PCK1: variants seen among roughly 807,000 people sequenced by gnomAD.
The protein encoded by PCK1 is phosphoenolpyruvate carboxykinase 1.
PCK1 carries 44 observed loss-of-function variants against 50.3 expected under a neutral mutation model. The ratio of observed to expected loss-of-function variants is 0.87; its 90% CI spans 0.69 to 1.12. PCK1 has a LOEUF of 1.12. Among genes scored for constraint, PCK1 ranks in the 50% most tolerant of loss-of-function variants. The pLI is 0.00. For synonymous variants in PCK1, 332 were observed against 314.3 expected (o/e 1.06, Z -0.59); for missense variants, 790 against 815.0 (o/e 0.97, Z 0.37).
In PCK1 at chr20:57,562,879, G is replaced by C. The variant is rs1366641082; in HGVS notation, c.590G>C (p.Gly197Ala). The change falls in exon 4 of 10, where the codon GGG (glycine) becomes GCG (alanine). Residue 197 changes from glycine to alanine, a missense_variant. Transcript: ENST00000319441. ...GEFVKCLHSVGCPLPLQKPLV... is the reference protein window; with the variant it reads ...GEFVKCLHSVACPLPLQKPLV... ...TTTGTCAAATGCCTCCATTCTGTGG[G>C]GTGCCCTCTGCCTTTACAAAGTAAG... 6.2e-7 allele frequency: 1 copy of C among 1,611,472 alleles called. No homozygotes were observed.
intron 5 of PCK1, 23 bp downstream of exon 5, chr20:57,563,238 T>A: frequency 1.2e-6 from 2 of 1,609,280 alleles, no homozygotes; most frequent in Admixed American, 1.7e-5. Context: ...GAAGCCCTGA[T>A]GTGCAGATGA....
Position 57,565,973 on chromosome 20 carries a change from A to G in PCK1, c.*169A>G. On this transcript the variant is annotated 3_prime_UTR_variant, in exon 10 of 10. Coordinates refer to ENST00000319441, the MANE Select transcript of PCK1 (RefSeq NM_002591.4). ...TGATTTTTTTAAGGATAAGAACCACAGAACACTGGGTAGTAGCTAATGAAA... is the reference window on the plus strand; with the variant it reads ...TGATTTTTTTAAGGATAAGAACCACGGAACACTGGGTAGTAGCTAATGAAA... 1.7e-6 allele frequency: 1 copy of G among 576,346 alleles called. No individual in the cohort carries two copies. The highest frequency in any genetic ancestry group is 2.8e-5 in the East Asian group (1 of 35,306). 35.7% of individuals were successfully genotyped at this position (576,346 alleles called of 1,614,324 possible). A position where few individuals can be genotyped will look rare whatever the true frequency, so the allele number is the denominator to read the frequency against.
rs918240389 is a variant in PCK1, at chr20:57,563,302, C to T, written c.798+87C>T. 19 of 1,254,860 alleles carry T rather than the reference C, an allele frequency of 1.5e-5. No homozygotes were observed. The Middle Eastern group carries it at 1.9e-3, about 128-fold the overall frequency. 77.7% of individuals were successfully genotyped at this position (1,254,860 alleles called of 1,614,324 possible). On this transcript the variant is annotated intron_variant, in intron 5 of 9. Transcript: ENST00000319441. ...GCATTACAGTTCCCACCCGTCAGCA[C>T]ACCTCTCTGAGCGTGCAGGTTCCCG...
intron 5 of PCK1, 44 bp from the exon 6 acceptor site, chr20:57,563,521 G>T: frequency 7.0e-7 from 1 of 1,426,314 alleles, no homozygotes; most frequent in South Asian, 1.2e-5. Context: ...CAACCTCGGG[G>T]AGAAGGAAAC....
rs770133234 is a variant in PCK1 at position 57,564,610 on chromosome 20, G to T, written c.1315G>T (p.Ala439Ser). The change falls in exon 8 of 10, where the codon GCT (alanine) becomes TCT (serine). Residue 439 changes from alanine to serine, a missense_variant. Coordinates refer to ENST00000319441, the MANE Select transcript of PCK1 (RefSeq NM_002591.4). ...EGIIFGGRRP[A>S]GVPLVYEALS... ...CATTATCTTTGGAGGCCGTAGACCT[G>T]CTGGTGAGGCTCTCCTTCATTTAGG... 2.3e-5 allele frequency: 36 copies of T among 1,586,294 alleles called. No individual in the cohort carries two copies. Among genetic ancestry groups the T allele is most frequent in the Non-Finnish European group, 2.9e-5 (34 of 1,165,616 alleles).
In PCK1 at chr20:57,566,966, C is replaced by T. The variant is rs1279866551; in HGVS notation, c.*1162C>T. 2 of 152,130 alleles carry T rather than the reference C, an allele frequency of 1.3e-5. No individual in the cohort carries two copies. Among genetic ancestry groups the T allele is most frequent in the Non-Finnish European group, 2.9e-5 (2 of 68,044 alleles). The allele number at this position is 152,130 out of a possible 1,614,324, so 9.4% of individuals were successfully genotyped here. A position where few individuals can be genotyped will look rare whatever the true frequency, so the allele number is the denominator to read the frequency against. ...GCATTAATTGAGCGCCTTCTGTATC[C>T]CGGACATCATGCCAACACCATGGGC... On this transcript the variant is annotated 3_prime_UTR_variant, in exon 10 of 10. Transcript: ENST00000319441.
rs368269624 is a variant in PCK1 at position 57,562,785 on chromosome 20, G to A, written c.496G>A (p.Val166Met). The change falls in exon 4 of 10, where the codon GTG becomes ATG. Residue 166 changes from valine to methionine, a missense_variant. Physicochemically the swap from Val to Met is conservative, Grantham distance 21 (BLOSUM62 1). Transcript: ENST00000319441. ...IGIELTDSPY[V>M]VASMRIMTRM... The stretch of plus-strand genomic sequence containing the variant: ...CATCGAGCTGACGGATTCACCCTAC[G>A]TGGTGGCCAGCATGCGGATCATGAC... The A allele has an allele frequency of 5.0e-5, 80 of 1,613,918 alleles. No homozygotes were observed. Among genetic ancestry groups the A allele is most frequent in the Non-Finnish European group, 5.9e-5 (70 of 1,179,882 alleles).
Position 57,563,022 on chromosome 20 carries a change from TCA to T in PCK1, c.611-3_611-2del, listed in dbSNP as rs2070164604. 1.2e-6 allele frequency: 2 copies of T among 1,611,486 alleles called. No homozygotes were observed. The highest frequency in any genetic ancestry group is 4.5e-5 in the East Asian group (2 of 44,846). ...GCACTGACTTGGGAGGGGTCCTTGT[TCA>T]CAGAGCCTTTGGTCAACAACTGGCC... On this transcript the variant is annotated splice_polypyrimidine_tract_variant and splice_region_variant and intron_variant, in intron 4 of 9. Transcript: ENST00000319441.
chr20:57,561,236 A>G (rs2070137455), intron 1 of PCK1, 33 bp downstream of exon 1: 2 of 546,964 alleles, frequency 3.7e-6, no homozygotes, highest in Admixed American at 3.3e-5. Flanking sequence ...ATTTTGAAAA[A>G]TTACAAAGAT....
Position 57,564,383 on chromosome 20 carries a change from C to A in PCK1, c.1176C>A (p.Ser392Arg). The change falls in exon 7 of 10, where the codon AGC becomes AGA. Residue 392 changes from serine (S) to arginine (R), a missense_variant. Coordinates refer to ENST00000319441, the MANE Select transcript of PCK1 (RefSeq NM_002591.4). ...TITSWKNKEWSSEDGEPCAHP... is the reference protein window; with the variant it reads ...TITSWKNKEWRSEDGEPCAHP... ...CGTCCTGGAAGAATAAGGAGTGGAG[C>A]TCAGAGGATGGTGTGTCCCTGCCAG... 1 of 1,613,916 alleles carries A rather than the reference C, an allele frequency of 6.2e-7. No homozygotes were observed. The highest frequency in any genetic ancestry group is 8.5e-7 in the Non-Finnish European group (1 of 1,179,788).
chr20:57,562,209 T>G lies in PCK1; in HGVS notation c.363T>G (p.Asp121Glu), dbSNP rs1304006621. ...TCGGTCGCTGGATGTCAGAGGAGGA[T>G]TTTGAGAAAGCGTTCAATGCCAGGT... Reference protein sequence around the residue: ...SQLGRWMSEEDFEKAFNARFP... With the variant: ...SQLGRWMSEEEFEKAFNARFP... Residue 121 changes from aspartate (D) to glutamate (E), a missense_variant, in exon 3 of 10, where the codon GAT becomes GAG. Physicochemically the swap from Asp to Glu is conservative, Grantham distance 45. Transcript: ENST00000319441. 6.2e-7 allele frequency: 1 copy of G among 1,613,998 alleles called. No homozygotes were observed. The highest frequency in any genetic ancestry group is 2.2e-5 in the East Asian group (1 of 44,896).
chr20:57,561,308 G>A (rs1303560980), intron 1 of PCK1, 64 bp from the exon 2 acceptor site: 12 of 723,880 alleles, frequency 1.7e-5, no homozygotes, highest in Admixed American at 6.4e-5. Context: ...GCAAAAGGCC[G>A]TCGAATGTGT....
Position 57,564,365 on chromosome 20 carries a change from G to A in PCK1, c.1158G>A (p.Trp386Ter), listed in dbSNP as rs754185331. ...CTTCAGGTGTCACCATCACGTCCTGGAAGAATAAGGAGTGGAGCTCAGAGG... is the reference window on the plus strand; with the variant it reads ...CTTCAGGTGTCACCATCACGTCCTGAAAGAATAAGGAGTGGAGCTCAGAGG... ...PLASGVTITS[W>*]KNKEWSSEDG... The change falls in exon 7 of 10, where the codon TGG (tryptophan) becomes TGA (stop). Residue 386 changes from tryptophan to a stop codon, truncating the protein, a stop_gained. Coordinates refer to ENST00000319441, the MANE Select transcript of PCK1 (RefSeq NM_002591.4). LOFTEE classifies it high-confidence loss of function. 2 of 1,614,158 alleles carry A rather than the reference G, an allele frequency of 1.2e-6. No individual in the cohort carries two copies. The highest frequency in any genetic ancestry group is 1.7e-6 in the Non-Finnish European group (2 of 1,180,002).
intron 6 of PCK1, 187 bp downstream of exon 6, chr20:57,563,914 C>G (rs539178531): frequency 1.6e-6 from 1 of 623,268 alleles, no homozygotes; most frequent in East Asian, 2.8e-5. Context: ...TGGATTGAAA[C>G]TGGGCCATAT....
Position 57,564,274 on chromosome 20 carries a change from TC to T in PCK1, c.1068del (p.Phe357LeufsTer21). 6.2e-7 allele frequency: 1 copy of T among 1,613,960 alleles called. No homozygotes were observed. Among genetic ancestry groups the T allele is most frequent in the Non-Finnish European group, 8.5e-7 (1 of 1,179,974 alleles). On this transcript the variant is annotated frameshift_variant, in exon 7 of 10. Transcript: ENST00000319441. LOFTEE classifies it high-confidence loss of function. ...ATCAAGACCATCCAGAAGAACACAA[TC>T]TTTACCAATGTGGCCGAGACCAGCG... is the stretch of plus-strand genomic sequence containing the variant. ...NAIKTIQKNT[I>X]FTNVAETSDG...
In PCK1 at chr20:57,565,859, C is replaced by T. The variant is rs777416767; in HGVS notation, c.*55C>T. 76 of 1,352,320 alleles carry T rather than the reference C, an allele frequency of 5.6e-5. No homozygotes were observed. Among genetic ancestry groups the T allele is most frequent in the Non-Finnish European group, 7.7e-5 (76 of 987,658 alleles). 83.8% of individuals were successfully genotyped at this position (1,352,320 alleles called of 1,614,324 possible). A position where few individuals can be genotyped will look rare whatever the true frequency, so the allele number is the denominator to read the frequency against. On this transcript the variant is annotated 3_prime_UTR_variant, in exon 10 of 10. Transcript: ENST00000319441. The stretch of plus-strand genomic sequence containing the variant: ...CATTCCCTTTCCCATCCATAAGGTG[C>T]AGTAGGAGCAAGAGAGGGCAAGTGT...
At chr20:57,564,689 T>C (rs2146530193) in intron 8 of PCK1, 76 bp downstream of exon 8, 1 of 1,333,396 alleles carries the variant, frequency 7.5e-7, no homozygotes, top group East Asian at 2.3e-5. Context: ...TCTCTCCTTT[T>C]CCATGACCTT....
At chr20:57,561,984 T>A in intron 2 of PCK1, 87 bp from the exon 3 acceptor site, 2 of 1,074,830 alleles carry the variant, frequency 1.9e-6, no homozygotes, top group Non-Finnish European at 2.8e-6. Context: ...TGCTCAGCAC[T>A]CTGCTAGGCA....
rs2146531049 is a variant in PCK1, at chr20:57,565,510, C to G, written c.1575C>G (p.Phe525Leu). The G allele has an allele frequency of 6.2e-7, 1 of 1,614,216 alleles. No homozygotes were observed. Among genetic ancestry groups the G allele is most frequent in the Non-Finnish European group, 8.5e-7 (1 of 1,180,044 alleles). The change falls in exon 10 of 10, where the codon TTC becomes TTG. Residue 525 changes from phenylalanine to leucine, a missense_variant. By Grantham distance (22) the Phe-to-Leu change is conservative (BLOSUM62 0). Coordinates refer to ENST00000319441, the MANE Select transcript of PCK1 (RefSeq NM_002591.4). ...TCCGGAAGGACAAGGAAGGCAAATT[C>G]CTCTGGCCAGGCTTTGGAGAGAACT... is the stretch of plus-strand genomic sequence containing the variant. The part of the protein sequence containing the change: ...NWFRKDKEGK[F>L]LWPGFGENSR...
Sources: gnomAD v4.1 joint callset for allele counts on GRCh38, gnomAD v4.1.1 for gene constraint, MANE v1.5 for transcripts, NCBI Gene and HGNC (gene_info 2026-07-23, HGNC 2026-07-21) for gene names.